Variants in MAN1A2 observed in about 807,000 individuals in gnomAD.
The protein encoded by MAN1A2 is mannosidase alpha class 1A member 2.
Under a neutral mutation model 75.7 loss-of-function variants are expected in MAN1A2, and 26 were observed. The observed-to-expected ratio is 0.34, with a 90% confidence interval of 0.25 to 0.48. MAN1A2 has a LOEUF of 0.48. MAN1A2 is among the 20% of genes least tolerant of loss of function. The probability of loss-of-function intolerance (pLI) is 0.99; values close to 1 mark genes in which losing one functional copy is unlikely to be tolerated. For missense variants in MAN1A2, 562 were observed against 775.5 expected (o/e 0.72, Z 3.27); for synonymous variants, 247 against 264.6 (o/e 0.93, Z 0.65).
At chr1:117,473,192 T>G (rs958577336) in intron 8 of MAN1A2, among the ~76,000 whole-genome samples, 1 of 151,902 alleles carries the variant, frequency 6.6e-6, no homozygotes, top group Admixed American at 6.6e-5. Context: ...TCTTTCTCAT[T>G]TCAGTTAATG....
intron 5 of MAN1A2, among the ~76,000 whole-genome samples, chr1:117,439,961 T>C (rs1648976482): frequency 1.3e-5 from 2 of 152,146 alleles, no homozygotes; most frequent in Non-Finnish European, 2.9e-5. Flanking sequence ...GACAACAAAT[T>C]CACTTCTGGA....
intron 1 of MAN1A2, among the ~76,000 whole-genome samples, chr1:117,381,141 A>C (rs1425528394): frequency 6.6e-6 from 1 of 151,824 alleles, no homozygotes; most frequent in Non-Finnish European, 1.5e-5. Context: ...TTGTTCTCTT[A>C]ATTTTCTTTT....
intron 10 of MAN1A2, 32 bp downstream of exon 10, chr1:117,497,014 CTAAAA>C (rs1445159634): frequency 1.3e-6 from 2 of 1,516,232 alleles, no homozygotes; most frequent in African/African-American, 1.4e-5. Context: ...ATTATATAGT[CTAAAA>C]TAATCTCTAA....
intron 3 of MAN1A2, among the ~76,000 whole-genome samples, chr1:117,411,966 G>A (rs1056585514): frequency 6.6e-6 from 1 of 151,720 alleles, no homozygotes; most frequent in African/African-American, 2.4e-5. Flanking sequence ...TTTCCTTGTT[G>A]CTCACAAATG....
Position 117,444,913 on chromosome 1 carries a change from C to T in MAN1A2, c.950+2588C>T, listed in dbSNP as rs370273114. Among the ~76,000 whole-genome samples, 9 of 152,086 alleles carry T rather than the reference C, an allele frequency of 5.9e-5. No individual in the cohort carries two copies. In the East Asian group the frequency reaches 1.5e-3, roughly 26 times the overall value. On this transcript the variant is annotated intron_variant, in intron 6 of 12. Transcript: ENST00000356554. ...CTCCATCTATATTTTTTACATTCTTCGAGATTTCCATAAAAGCTTTGAAAT... is the reference window on the plus strand; with the variant it reads ...CTCCATCTATATTTTTTACATTCTTTGAGATTTCCATAAAAGCTTTGAAAT...
At position 117,525,372 on chromosome 1, in the gene MAN1A2, A is replaced by G. The variant is rs1391193338; in HGVS notation, c.*2415A>G. 3 of 240,732 alleles carry G rather than the reference A, an allele frequency of 1.2e-5. No individual in the cohort carries two copies. The highest frequency in any genetic ancestry group is 2.6e-5 in the Non-Finnish European group (3 of 116,836). 14.9% of individuals were successfully genotyped at this position (240,732 alleles called of 1,614,324 possible). A position where few individuals can be genotyped will look rare whatever the true frequency, so the allele number is the denominator to read the frequency against. On this transcript the variant is annotated 3_prime_UTR_variant, in exon 13 of 13. Transcript: ENST00000356554. The stretch of plus-strand genomic sequence containing the variant: ...AAATGACTTGCCAGTGTCATGTTTT[A>G]TTTTTGTTATAGATTTTTAAATTAT...
chr1:117,422,849 C>T (rs1040125668), intron 5 of MAN1A2, among the ~76,000 whole-genome samples: 1 of 152,030 alleles, frequency 6.6e-6, no homozygotes, highest in African/African-American at 2.4e-5. Context: ...ATTATTTTCT[C>T]TATCTGTGGC....
In MAN1A2 at chr1:117,465,615, A is replaced by G. The variant is rs541796449; in HGVS notation, c.1075-719A>G. Among the ~76,000 whole-genome samples the G allele has an allele frequency of 3.5e-4, 53 of 152,268 alleles. No homozygotes were observed. The South Asian group carries it at 0.011, about 30-fold the overall frequency. The stretch of plus-strand genomic sequence containing the variant: ...ACCAGCCAGGTTATTCATCAAATGT[A>G]ATGACAATATTCTCAAACAAATAAG... On this transcript the variant is annotated intron_variant, in intron 7 of 12. Coordinates refer to ENST00000356554, the MANE Select transcript of MAN1A2 (RefSeq NM_006699.5).
In MAN1A2 at chr1:117,458,804, G is replaced by A. The variant is rs187702552; in HGVS notation, c.951-1685G>A. ...CTCCTGAAGTGCTGGGATTACTGGC[G>A]TGAGCCACCGCGCCTGGCAAAAATA... On this transcript the variant is annotated intron_variant, in intron 6 of 12. Transcript: ENST00000356554. Among the ~76,000 whole-genome samples, 652 of 151,984 alleles carry A rather than the reference G, an allele frequency of 4.3e-3. 4 individuals carry two copies. The highest frequency in any genetic ancestry group is 0.01 in the Admixed American group (160 of 15,266).
chr1:117,445,577 A>C (rs1437518672), intron 6 of MAN1A2, among the ~76,000 whole-genome samples: 1 of 151,762 alleles, frequency 6.6e-6, no homozygotes, highest in African/African-American at 2.4e-5. Flanking sequence ...TATCGACTGG[A>C]GTACAATGGC....
intron 6 of MAN1A2, among the ~76,000 whole-genome samples, chr1:117,460,082 C>T (rs1238310298): frequency 6.8e-6 from 1 of 146,280 alleles, no homozygotes; most frequent in East Asian, 2.0e-4. Context: ...AAAAAAAAAA[C>T]TGAGAAAGTT....
In MAN1A2 at chr1:117,526,870, CTCTCTCTCTCTA is replaced by C. The variant is rs1464671753; in HGVS notation, c.*3915_*3926del. The C allele has an allele frequency of 0.016, 1,404 of 89,866 alleles. 9 individuals are homozygous for C. The highest frequency in any genetic ancestry group is 0.038 in the Middle Eastern group (7 of 186). The allele number at this position is 89,866 out of a possible 1,614,324, so 5.6% of individuals were successfully genotyped here. A position where few individuals can be genotyped will look rare whatever the true frequency, so the allele number is the denominator to read the frequency against. On this transcript the variant is annotated 3_prime_UTR_variant, in exon 13 of 13. Transcript: ENST00000356554. ...TCTCTCTCTCTCTCTCTCTCTCTCTCTCTCTCTCTCTATATATATATATATATATATATATAT... is the reference window on the plus strand; with the variant it reads ...TCTCTCTCTCTCTCTCTCTCTCTCTCTATATATATATATATATATATATAT...
Position 117,523,837 on chromosome 1 carries a change from A to G in MAN1A2, c.*880A>G, listed in dbSNP as rs1043476. The G allele has an allele frequency of 0.11, 17,052 of 151,840 alleles. 1,049 individuals are homozygous for G. Among genetic ancestry groups the G allele is most frequent in the Non-Finnish European group, 0.14 (9,381 of 67,780 alleles). 9.4% of individuals were successfully genotyped at this position (151,840 alleles called of 1,614,324 possible). The stretch of plus-strand genomic sequence containing the variant: ...TGTTGCTACATTATTTTTCCAGACC[A>G]ACACATCTACCAAGTAAATTTTATT... On this transcript the variant is annotated 3_prime_UTR_variant, in exon 13 of 13. Transcript: ENST00000356554.
At chr1:117,455,140 G>T (rs1649538735) in intron 6 of MAN1A2, among the ~76,000 whole-genome samples, 2 of 152,214 alleles carry the variant, frequency 1.3e-5, no homozygotes, top group South Asian at 4.2e-4. Flanking sequence ...GTAAATAGTT[G>T]TCATATTCAT....
rs79280769 is a variant in MAN1A2 at position 117,437,045 on chromosome 1, C to A, written c.856-5186C>A. On this transcript the variant is annotated intron_variant, in intron 5 of 12. Coordinates refer to ENST00000356554, the MANE Select transcript of MAN1A2 (RefSeq NM_006699.5). ...TGTTAACCCTCAGTTTTGCAGTGACCTTCACTTGGTTCTGAGGAACAGCCA... is the reference window on the plus strand; with the variant it reads ...TGTTAACCCTCAGTTTTGCAGTGACATTCACTTGGTTCTGAGGAACAGCCA... 5.9e-4 allele frequency among the ~76,000 whole-genome samples: 90 copies of A among 152,162 alleles called. No homozygotes were observed. In the East Asian group the frequency reaches 0.016, roughly 26 times the overall value.
intron 5 of MAN1A2, among the ~76,000 whole-genome samples, chr1:117,426,510 T>C (rs1648378929): frequency 6.6e-6 from 1 of 152,180 alleles, no homozygotes; most frequent in South Asian, 2.1e-4. Context: ...TGAAAATGCA[T>C]TTAGTACACC....
At chr1:117,498,716 A>T (rs572895046) in intron 10 of MAN1A2, among the ~76,000 whole-genome samples, 1 of 151,846 alleles carries the variant, frequency 6.6e-6, no homozygotes, top group East Asian at 2.0e-4. Context: ...TGTTGTTTTT[A>T]CTTGTCTTTA....
chr1:117,428,341 C>T (rs572336893), intron 5 of MAN1A2, among the ~76,000 whole-genome samples: 5 of 152,050 alleles, frequency 3.3e-5, no homozygotes, highest in South Asian at 4.2e-4. Context: ...TCTTGAACTC[C>T]TGGGCTCAAG....
intron 5 of MAN1A2, among the ~76,000 whole-genome samples, chr1:117,429,558 G>T (rs1204189355): frequency 2.9e-5 from 3 of 104,038 alleles, no homozygotes; most frequent in Non-Finnish European, 4.2e-5. Context: ...CCTCCCGGAC[G>T]GGGCGGCTGG....
Sources: allele counts gnomAD v4.1 joint callset (sites outside exome capture counted in the v4.1 genomes callset), GRCh38; gene constraint gnomAD v4.1.1; transcripts MANE v1.5; gene names NCBI Gene and HGNC (gene_info 2026-07-23, HGNC 2026-07-21).